Variants in GRM8 observed in about 807,000 individuals in gnomAD.
GRM8 encodes metabotropic glutamate receptor 8.
In GRM8, 47 loss-of-function variants were observed where a neutral mutation model predicts 87.2. The observed-to-expected ratio is 0.54, with a 90% CI of 0.43 to 0.69. The LOEUF (loss-of-function observed/expected upper bound fraction) is 0.69. GRM8 is among the 30% of genes least tolerant of loss of function. The pLI is 0.00. For missense variants in GRM8, 1,019 were observed against 1,139.2 expected, an observed-to-expected ratio of 0.89 and a Z score of 1.52; for synonymous variants, 396 against 404.5, an observed-to-expected ratio of 0.98 and a Z score of 0.25.
intron 9 of GRM8, among the ~76,000 whole-genome samples, chr7:126,503,625 T>C (rs746097060): frequency 2.6e-5 from 4 of 152,076 alleles, no homozygotes; most frequent in Non-Finnish European, 5.9e-5. Flanking sequence ...AATGTGTACT[T>C]CAGAAATATG....
At chr7:127,188,162 C>G (rs993799388) in intron 2 of GRM8, among the ~76,000 whole-genome samples, 4 of 152,160 alleles carry the variant, frequency 2.6e-5, no homozygotes, top group African/African-American at 9.7e-5. Flanking sequence ...CTCATTGTAT[C>G]CTCACAATAA....
intron 3 of GRM8, among the ~76,000 whole-genome samples, chr7:126,926,696 T>TCA (rs1241342138): frequency 6.6e-6 from 1 of 152,178 alleles, no homozygotes; most frequent in Non-Finnish European, 1.5e-5. Context: ...CAGTCTTATC[T>TCA]CACATCAGTA....
At position 126,549,511 on chromosome 7, in the gene GRM8, G is replaced by C. The variant is rs181943462; in HGVS notation, c.1495-15624C>G. ...AAATGGTCCTGATTGCACTTTTGACGTGACTTACTGAAAAGTTATTATTTA... is the reference window on the plus strand; with the variant it reads ...AAATGGTCCTGATTGCACTTTTGACCTGACTTACTGAAAAGTTATTATTTA... On this transcript the variant is annotated intron_variant, in intron 8 of 10. Transcript: ENST00000339582. Among the ~76,000 whole-genome samples, 70 of 152,104 alleles carry C rather than the reference G, an allele frequency of 4.6e-4. 1 individual carries two copies. Among genetic ancestry groups the C allele is most frequent in the Middle Eastern group, 6.8e-3 (2 of 294 alleles).
At chr7:126,753,263 A>G (rs1015929154) in intron 7 of GRM8, among the ~76,000 whole-genome samples, 1 of 151,938 alleles carries the variant, frequency 6.6e-6, no homozygotes, top group Non-Finnish European at 1.5e-5. Flanking sequence ...TTGAAGAATT[A>G]CTTAGTCTAT....
chr7:127,230,988 A>G (rs1587339169), intron 2 of GRM8, among the ~76,000 whole-genome samples: 1 of 152,136 alleles, frequency 6.6e-6, no homozygotes, highest in East Asian at 1.9e-4. Context: ...ACGGTTTTAT[A>G]TTGCTCGTGG....
intron 9 of GRM8, among the ~76,000 whole-genome samples, chr7:126,486,851 A>T (rs990363649): frequency 6.6e-6 from 1 of 152,108 alleles, no homozygotes; most frequent in African/African-American, 2.4e-5. Context: ...GCTTACAAAG[A>T]TTACTAATGT....
At chr7:126,638,696 C>T (rs546957716) in intron 7 of GRM8, among the ~76,000 whole-genome samples, 6 of 152,290 alleles carry the variant, frequency 3.9e-5, no homozygotes, top group African/African-American at 9.6e-5. Flanking sequence ...AGATAACATT[C>T]GCCTGTGATG....
intron 3 of GRM8, among the ~76,000 whole-genome samples, chr7:127,043,909 G>T (rs567011854): frequency 2.0e-5 from 3 of 151,672 alleles, no homozygotes; most frequent in Non-Finnish European, 3.0e-5. Flanking sequence ...AGATTAGGGG[G>T]ACAGGAGTCC....
chr7:126,452,269 C>A (rs1303691613), intron 9 of GRM8, among the ~76,000 whole-genome samples: 5 of 138,812 alleles, frequency 3.6e-5, no homozygotes, highest in African/African-American at 1.4e-4. Context: ...GAACATCACA[C>A]CCCAGGGCCT....
At chr7:127,232,605 T>C (rs1797758407) in intron 2 of GRM8, among the ~76,000 whole-genome samples, 1 of 152,124 alleles carries the variant, frequency 6.6e-6, no homozygotes, top group African/African-American at 2.4e-5. Flanking sequence ...CTGCCTTTGT[T>C]CACAAAATAG....
intron 9 of GRM8, among the ~76,000 whole-genome samples, chr7:126,528,323 A>T (rs936002982): frequency 2.6e-5 from 4 of 152,208 alleles, no homozygotes; most frequent in African/African-American, 9.6e-5. Flanking sequence ...GATAAATCAA[A>T]TCACATCCTC....
intron 3 of GRM8, among the ~76,000 whole-genome samples, chr7:126,923,987 G>T (rs1374914483): frequency 6.6e-6 from 1 of 152,102 alleles, no homozygotes; most frequent in Non-Finnish European, 1.5e-5. Flanking sequence ...TTTAATGTAT[G>T]GTAGACACTG....
At chr7:126,537,162 C>T (rs964085623) in intron 8 of GRM8, among the ~76,000 whole-genome samples, 1 of 152,014 alleles carries the variant, frequency 6.6e-6, no homozygotes, top group Non-Finnish European at 1.5e-5. Flanking sequence ...AGTTTTTTAA[C>T]AGCTATGAAT....
At chr7:126,510,072 C>T (rs1811103240) in intron 9 of GRM8, among the ~76,000 whole-genome samples, 1 of 151,918 alleles carries the variant, frequency 6.6e-6, no homozygotes, top group Non-Finnish European at 1.5e-5. Flanking sequence ...TACTGAGTTC[C>T]CTCTGGGAAG....
chr7:126,727,738 CA>C (rs1177856158), intron 7 of GRM8, among the ~76,000 whole-genome samples: 23 of 151,054 alleles, frequency 1.5e-4, no homozygotes, highest in East Asian at 5.9e-4. Context: ...CACACACACA[CA>C]CCCCTAAAAA....
intron 3 of GRM8, among the ~76,000 whole-genome samples, chr7:126,981,971 T>G (rs982602290): frequency 4.5e-5 from 6 of 134,288 alleles, no homozygotes; most frequent in Admixed American, 2.8e-4. Context: ...TAAATACATC[T>G]ATATCTATAT....
intron 7 of GRM8, among the ~76,000 whole-genome samples, chr7:126,610,680 CA>C (rs1350749944): frequency 6.6e-6 from 1 of 152,134 alleles, no homozygotes; most frequent in East Asian, 1.9e-4. Context: ...ACTTATCAAA[CA>C]AATCGATGAC....
At position 126,890,888 on chromosome 7, in the gene GRM8, C is replaced by T. The variant is rs539575739; in HGVS notation, c.1156+11654G>A. ...CAGGCCCTCTGCAATTTCCACTCCACATACTTTCTGGATCTGTCTCACCAA... is the reference window on the plus strand; with the variant it reads ...CAGGCCCTCTGCAATTTCCACTCCATATACTTTCTGGATCTGTCTCACCAA... On this transcript the variant is annotated intron_variant, in intron 6 of 10. Coordinates refer to ENST00000339582, the MANE Select transcript of GRM8 (RefSeq NM_000845.3). Among the ~76,000 whole-genome samples, 174 of 152,160 alleles carry T rather than the reference C, an allele frequency of 1.1e-3. 3 individuals are homozygous for T. The South Asian group carries it at 0.036, about 31-fold the overall frequency.
chr7:127,052,953 A>T (rs1819638488), intron 3 of GRM8, among the ~76,000 whole-genome samples: 1 of 152,190 alleles, frequency 6.6e-6, no homozygotes, highest in Non-Finnish European at 1.5e-5. Context: ...ATTTTGACTA[A>T]TTTATTATTT....
Sources: allele counts gnomAD v4.1 joint callset (sites outside exome capture counted in the v4.1 genomes callset), GRCh38; gene constraint gnomAD v4.1.1; transcripts MANE v1.5; gene names NCBI Gene and HGNC (gene_info 2026-07-23, HGNC 2026-07-21).